Variants in HS6ST1 observed in about 807,000 individuals in gnomAD.
HS6ST1 encodes the protein heparan-sulfate 6-O-sulfotransferase 1.
Under a neutral mutation model 25.2 loss-of-function variants are expected in HS6ST1, and 3 were observed. That is an observed-to-expected ratio of 0.12 (90% CI 0.05 to 0.31). The LOEUF (loss-of-function observed/expected upper bound fraction) is 0.31, where lower values mean the gene tolerates loss of function less well. Among genes scored for constraint, HS6ST1 ranks in the 10% least tolerant of loss-of-function variants. The pLI, the probability that HS6ST1 is intolerant of heterozygous loss-of-function variation, is 1.00. For missense variants in HS6ST1, 310 were observed against 609.6 expected (o/e 0.51, Z 5.18); for synonymous variants, 204 against 275.1 (o/e 0.74, Z 2.56).
At position 128,307,759 on chromosome 2, in the gene HS6ST1, T is replaced by C. The variant is rs1432014129; in HGVS notation, c.527+10278A>G. On this transcript the variant is annotated intron_variant, in intron 1 of 1. Coordinates refer to ENST00000259241, the MANE Select transcript of HS6ST1 (RefSeq NM_004807.3). ...TGGCCTGGCAGAAATGAGCCAAGAG[T>C]GCCCGCCCAAACAATCGGGAACCAC... 2.0e-5 allele frequency among the ~76,000 whole-genome samples: 3 copies of C among 151,818 alleles called. No individual in the cohort carries two copies. The East Asian group carries it at 5.8e-4, about 30-fold the overall frequency.
intron 1 of HS6ST1, among the ~76,000 whole-genome samples, chr2:128,282,302 C>T (rs1353681611): frequency 3.3e-5 from 5 of 152,226 alleles, no homozygotes; most frequent in African/African-American, 9.6e-5. Flanking sequence ...TAAACAGAAA[C>T]TGCGGCTGTC....
chr2:128,288,653 G>A (rs1229101464), intron 1 of HS6ST1, among the ~76,000 whole-genome samples: 1 of 152,014 alleles, frequency 6.6e-6, no homozygotes, highest in South Asian at 2.1e-4. Flanking sequence ...GTATTTTTCC[G>A]ATTTTATATA....
intron 1 of HS6ST1, among the ~76,000 whole-genome samples, chr2:128,286,289 C>G (rs556713718): frequency 6.6e-6 from 1 of 152,296 alleles, no homozygotes; most frequent in East Asian, 1.9e-4. Flanking sequence ...CCGAGGTCTG[C>G]GGGCTGGAGC....
chr2:128,295,972 G>T (rs1694034963), intron 1 of HS6ST1, among the ~76,000 whole-genome samples: 3 of 152,106 alleles, frequency 2.0e-5, no homozygotes, highest in African/African-American at 7.3e-5. Flanking sequence ...GCGACTCTGA[G>T]AGGTAATTAG....
chr2:128,299,545 C>A (rs951465970), intron 1 of HS6ST1, among the ~76,000 whole-genome samples: 3 of 152,210 alleles, frequency 2.0e-5, no homozygotes, highest in African/African-American at 7.2e-5. Context: ...CAGCTGAAGG[C>A]ACATTGAGGC....
chr2:128,308,325 G>T (rs1694241222), intron 1 of HS6ST1, among the ~76,000 whole-genome samples: 1 of 152,210 alleles, frequency 6.6e-6, no homozygotes, highest in Admixed American at 6.5e-5. Flanking sequence ...GAGATACCAT[G>T]TAGGGGGTGA....
At chr2:128,293,235 G>A (rs552658255) in intron 1 of HS6ST1, among the ~76,000 whole-genome samples, 1 of 152,376 alleles carries the variant, frequency 6.6e-6, no homozygotes, top group Admixed American at 6.5e-5. Context: ...CTCTGAGCCA[G>A]GGGCATGTCA....
chr2:128,310,301 T>C (rs1349007723), intron 1 of HS6ST1, among the ~76,000 whole-genome samples: 1 of 151,850 alleles, frequency 6.6e-6, no homozygotes, highest in Non-Finnish European at 1.5e-5. Flanking sequence ...CCCACAGGCA[T>C]CCCCCCGCAG....
At chr2:128,316,677 G>C (rs925001577) in intron 1 of HS6ST1, among the ~76,000 whole-genome samples, 1 of 152,078 alleles carries the variant, frequency 6.6e-6, no homozygotes, top group African/African-American at 2.4e-5. Flanking sequence ...TCACCTCCCA[G>C]GCTGGGAGCT....
At chr2:128,312,751 GAATA>G (rs1694310240) in intron 1 of HS6ST1, among the ~76,000 whole-genome samples, 1 of 152,100 alleles carries the variant, frequency 6.6e-6, no homozygotes, top group South Asian at 2.1e-4. Context: ...TGATTTAAGA[GAATA>G]AATTTAAAAA....
intron 1 of HS6ST1, among the ~76,000 whole-genome samples, chr2:128,307,032 TG>T (rs925603390): frequency 3.3e-5 from 5 of 151,178 alleles, no homozygotes; most frequent in Non-Finnish European, 7.4e-5. Flanking sequence ...GGAGTTGGGG[TG>T]GGGGGGTCCC....
At chr2:128,276,019 G>C (rs139250577) in intron 1 of HS6ST1, among the ~76,000 whole-genome samples, 1 of 152,174 alleles carries the variant, frequency 6.6e-6, no homozygotes, top group Non-Finnish European at 1.5e-5. Flanking sequence ...AGGTGACGAA[G>C]AAGGCACTGC....
At chr2:128,298,456 G>A (rs1694073107) in intron 1 of HS6ST1, among the ~76,000 whole-genome samples, 1 of 152,118 alleles carries the variant, frequency 6.6e-6, no homozygotes, top group Non-Finnish European at 1.5e-5. Context: ...GCAAAATATG[G>A]TACATATAGA....
intron 1 of HS6ST1, among the ~76,000 whole-genome samples, chr2:128,313,208 C>G (rs1473530065): frequency 6.6e-6 from 1 of 152,180 alleles, no homozygotes; most frequent in Non-Finnish European, 1.5e-5. Flanking sequence ...GACATTCAGA[C>G]TATTCAACTC....
chr2:128,286,121 A>G (rs1447824926), intron 1 of HS6ST1, among the ~76,000 whole-genome samples: 1 of 152,224 alleles, frequency 6.6e-6, no homozygotes, highest in Non-Finnish European at 1.5e-5. Context: ...TAGAGCCTAC[A>G]GCACCCTGCA....
chr2:128,281,954 G>C (rs556392735), intron 1 of HS6ST1, among the ~76,000 whole-genome samples: 20 of 152,372 alleles, frequency 1.3e-4, no homozygotes, highest in Non-Finnish European at 1.2e-4. Flanking sequence ...GGTCAGGGCA[G>C]CACTGGGATT....
intron 1 of HS6ST1, among the ~76,000 whole-genome samples, chr2:128,303,934 C>T (rs1022485406): frequency 5.3e-5 from 8 of 152,206 alleles, no homozygotes; most frequent in Admixed American, 2.0e-4. Context: ...ATCTACCGCA[C>T]GCCTCAACAG....
At chr2:128,292,530 G>A (rs935651512) in intron 1 of HS6ST1, among the ~76,000 whole-genome samples, 2 of 152,082 alleles carry the variant, frequency 1.3e-5, no homozygotes, top group Non-Finnish European at 2.9e-5. Flanking sequence ...CAGGCATCCC[G>A]GCGAGGATGT....
At chr2:128,297,553 C>T (rs1276077397) in intron 1 of HS6ST1, among the ~76,000 whole-genome samples, 4 of 152,128 alleles carry the variant, frequency 2.6e-5, no homozygotes, top group Non-Finnish European at 5.9e-5. Context: ...TTAGGCTGGG[C>T]ATGGTGGCTT....
Sources: allele counts gnomAD v4.1 joint callset (sites outside exome capture counted in the v4.1 genomes callset), GRCh38; gene constraint gnomAD v4.1.1; transcripts MANE v1.5; gene names NCBI Gene and HGNC (gene_info 2026-07-23, HGNC 2026-07-21).